NAALADL2: variants seen among roughly 807,000 people sequenced by gnomAD.
NAALADL2 encodes the protein N-acetylated alpha-linked acidic dipeptidase like 2, also known as inactive N-acetylated-alpha-linked acidic dipeptidase-like protein 2.
In NAALADL2, 76 loss-of-function variants were observed where a neutral mutation model predicts 87.2. The ratio of observed to expected loss-of-function variants is 0.87; its 90% confidence interval spans 0.72 to 1.05. The LOEUF is 1.05. Among genes scored for constraint, NAALADL2 ranks in the 50% least tolerant of loss-of-function variants. NAALADL2 has a pLI of 0.00. For missense variants in NAALADL2, 1,089 were observed against 945.8 expected (o/e 1.15, Z -1.99); for synonymous variants, 354 against 331.0 (o/e 1.07, Z -0.75).
chr3:175,175,013 ATG>A (rs1735503528), intron 2 of NAALADL2, among the ~76,000 whole-genome samples: 1 of 152,066 alleles, frequency 6.6e-6, no homozygotes. Flanking sequence ...AATTTTTTGA[ATG>A]TATAATTTTT....
intron 10 of NAALADL2, among the ~76,000 whole-genome samples, chr3:175,588,506 A>C (rs909654380): frequency 6.7e-6 from 1 of 149,680 alleles, no homozygotes; most frequent in East Asian, 2.0e-4. Flanking sequence ...GAAAGAGCTC[A>C]ATTTAGGAGA....
chr3:175,526,072 C>T (rs1259055490), intron 9 of NAALADL2, among the ~76,000 whole-genome samples: 3 of 152,176 alleles, frequency 2.0e-5, no homozygotes, highest in Non-Finnish European at 4.4e-5. Context: ...CAACCAGTAT[C>T]TTTAAAATGT....
At chr3:175,781,522 A>G (rs1201852038) in intron 13 of NAALADL2, among the ~76,000 whole-genome samples, 1 of 151,490 alleles carries the variant, frequency 6.6e-6, no homozygotes, top group East Asian at 1.9e-4. Context: ...AATGACTTCA[A>G]TCCTAGTTTA....
rs1040251822 is a variant in NAALADL2 at position 174,684,417 on chromosome 3, C to T, written c.-114-53224C>T. ...CCCATTTATTCATTGAAATTATTCC[C>T]ATAAGTGTCTGTTAACCTCTTTACA... On this transcript the variant is annotated intron_variant, in intron 2 of 3. Coordinates refer to the NAALADL2 transcript ENST00000434257. Among the ~76,000 whole-genome samples, 9 of 152,116 alleles carry T rather than the reference C, an allele frequency of 5.9e-5. No homozygotes were observed. The South Asian group carries it at 1.7e-3, about 28-fold the overall frequency.
At chr3:175,522,901 T>G (rs931791550) in intron 9 of NAALADL2, among the ~76,000 whole-genome samples, 1 of 152,212 alleles carries the variant, frequency 6.6e-6, no homozygotes, top group Non-Finnish European at 1.5e-5. Flanking sequence ...ATCATCCAAC[T>G]GTATATAAGG....
chr3:174,586,651 G>T (rs1374557621), intron 2 of NAALADL2, among the ~76,000 whole-genome samples: 1 of 152,164 alleles, frequency 6.6e-6, no homozygotes, highest in Non-Finnish European at 1.5e-5. Context: ...CGAACATTCT[G>T]TGGGTTGGGC....
intron 11 of NAALADL2, among the ~76,000 whole-genome samples, chr3:175,734,222 G>T (rs545321951): frequency 6.6e-6 from 1 of 152,152 alleles, no homozygotes; most frequent in African/African-American, 2.4e-5. Context: ...ACAAATATTT[G>T]CTTGGGCATT....
At chr3:174,574,002 AGACTT>A (rs1715232649) in intron 2 of NAALADL2, among the ~76,000 whole-genome samples, 1 of 152,200 alleles carries the variant, frequency 6.6e-6, no homozygotes, top group African/African-American at 2.4e-5. Flanking sequence ...TGGCCCCACT[AGACTT>A]AGAATTTACA....
chr3:175,550,193 G>T (rs967195496), intron 9 of NAALADL2, among the ~76,000 whole-genome samples: 2 of 152,062 alleles, frequency 1.3e-5, no homozygotes, highest in African/African-American at 4.8e-5. Flanking sequence ...GAGCAGAATG[G>T]TCAGAAAATA....
chr3:174,751,743 T>A (rs1734842854), intron 3 of NAALADL2, among the ~76,000 whole-genome samples: 1 of 152,106 alleles, frequency 6.6e-6, no homozygotes, highest in Non-Finnish European at 1.5e-5. Flanking sequence ...CACTTGATCA[T>A]GATGCATATC....
intron 3 of NAALADL2, among the ~76,000 whole-genome samples, chr3:174,842,057 T>TC (rs765425710): frequency 3.3e-4 from 50 of 151,932 alleles, no homozygotes; most frequent in Non-Finnish European, 5.7e-4. Context: ...TTAAACTTTT[T>TC]TTTTTTTTTT....
At chr3:175,216,764 G>A (rs542570746) in intron 2 of NAALADL2, among the ~76,000 whole-genome samples, 2 of 141,130 alleles carry the variant, frequency 1.4e-5, no homozygotes, top group Non-Finnish European at 3.0e-5. Context: ...CACCTCCCAG[G>A]TTCAAACAAT....
At chr3:175,173,542 C>T (rs1275517934) in intron 2 of NAALADL2, among the ~76,000 whole-genome samples, 4 of 152,016 alleles carry the variant, frequency 2.6e-5, no homozygotes, top group Non-Finnish European at 1.5e-5. Context: ...TTTATTTTAG[C>T]GGAGCTACAG....
intron 1 of NAALADL2, among the ~76,000 whole-genome samples, chr3:174,973,686 A>T (rs1243423166): frequency 4.6e-5 from 7 of 152,204 alleles, no homozygotes; most frequent in Admixed American, 3.9e-4. Context: ...AGCCTACTAC[A>T]TACCTAAGGT....
chr3:175,443,576 G>T (rs73881502), intron 5 of NAALADL2, among the ~76,000 whole-genome samples: 4,829 of 152,200 alleles, frequency 0.032, 247 homozygotes, highest in African/African-American at 0.11. Context: ...AGCAAGCATA[G>T]AATTATAATT....
intron 1 of NAALADL2, among the ~76,000 whole-genome samples, chr3:174,477,815 T>C (rs1278241919): frequency 6.6e-6 from 1 of 152,218 alleles, no homozygotes; most frequent in Non-Finnish European, 1.5e-5. Context: ...ACAGATATCA[T>C]ACATAGGTGA....
chr3:174,998,788 C>T (rs758603619), intron 1 of NAALADL2, among the ~76,000 whole-genome samples: 2 of 152,112 alleles, frequency 1.3e-5, no homozygotes, highest in African/African-American at 2.4e-5. Flanking sequence ...TGATTTGCTC[C>T]ATTCCAGGCA....
At chr3:175,260,780 G>A (rs1446262582) in intron 4 of NAALADL2, among the ~76,000 whole-genome samples, 1 of 152,086 alleles carries the variant, frequency 6.6e-6, no homozygotes, top group Non-Finnish European at 1.5e-5. Flanking sequence ...TCCGAGCTAG[G>A]GAGGGCAAAG....
At chr3:175,694,304 G>A (rs1737447550) in intron 11 of NAALADL2, among the ~76,000 whole-genome samples, 1 of 152,024 alleles carries the variant, frequency 6.6e-6, no homozygotes, top group African/African-American at 2.4e-5. Flanking sequence ...CTCTTGCAGA[G>A]TTTACCTAAT....
Sources: gnomAD v4.1 joint callset for allele counts (sites outside exome capture counted in the v4.1 genomes callset) on GRCh38, gnomAD v4.1.1 for gene constraint, MANE v1.5 for transcripts, NCBI Gene and HGNC (gene_info 2026-07-23, HGNC 2026-07-21) for gene names.